SMOC1: variants seen among roughly 807,000 people sequenced by gnomAD.
SMOC1 encodes SPARC-related modular calcium-binding protein 1.
A neutral mutation model predicts 56.3 loss-of-function variants in SMOC1; 22 were observed. That is an observed-to-expected ratio of 0.39 (90% confidence interval 0.28 to 0.56). SMOC1 has a LOEUF of 0.56. SMOC1 is among the 20% of genes least tolerant of loss of function. The probability of loss-of-function intolerance (pLI) is 0.61; values close to 1 mark genes in which losing one functional copy is unlikely to be tolerated. For missense variants in SMOC1, 509 were observed against 565.4 expected (o/e 0.90, Z 1.01); for synonymous variants, 193 against 215.0 (o/e 0.90, Z 0.89).
chr14:69,977,840 G>A, intron 4 of SMOC1, 78 bp from the exon 5 acceptor site: 1 of 1,132,506 alleles, frequency 8.8e-7, no homozygotes, highest in South Asian at 1.2e-5. Flanking sequence ...CATAACATCA[G>A]GTTTTGCCAA....
At chr14:69,959,855 T>A (rs556325746) in intron 3 of SMOC1, among the ~76,000 whole-genome samples, 2 of 152,338 alleles carry the variant, frequency 1.3e-5, no homozygotes, top group African/African-American at 4.8e-5. Flanking sequence ...CCATAGTTCT[T>A]ACTATTGTAT....
intron 1 of SMOC1, among the ~76,000 whole-genome samples, chr14:69,884,537 A>G (rs542417482): frequency 7.2e-5 from 11 of 152,010 alleles, no homozygotes; most frequent in South Asian, 4.2e-4. Flanking sequence ...CTTTCCCCCT[A>G]TGTTTTCTTT....
chr14:69,949,457 T>G (rs1282599664), intron 1 of SMOC1, among the ~76,000 whole-genome samples: 1 of 152,224 alleles, frequency 6.6e-6, no homozygotes, highest in South Asian at 2.1e-4. Flanking sequence ...CTCATCTTCA[T>G]GGAGCTCAGA....
chr14:70,003,688 C>A (rs1464693640), intron 7 of SMOC1, among the ~76,000 whole-genome samples: 1 of 152,176 alleles, frequency 6.6e-6, no homozygotes, highest in Non-Finnish European at 1.5e-5. Context: ...GAACTTGCAT[C>A]CAGTGAAGTC....
rs1032627936 is a variant in SMOC1 at position 69,903,528 on chromosome 14, A to C, written c.99+23751A>C. Reference sequence around the variant, plus strand: ...GCTGTGTCTGTGTAGAAAGAAGTAGACATAGGAGACTCCATTTTGTTCTGT... The same window carrying C: ...GCTGTGTCTGTGTAGAAAGAAGTAGCCATAGGAGACTCCATTTTGTTCTGT... On this transcript the variant is annotated intron_variant, in intron 1 of 11. Transcript: ENST00000361956. Among the ~76,000 whole-genome samples the C allele has an allele frequency of 9.2e-5, 14 of 152,206 alleles. No homozygotes were observed. The East Asian group carries it at 2.7e-3, about 29-fold the overall frequency.
At chr14:70,006,559 T>C (rs1421877505) in intron 7 of SMOC1, among the ~76,000 whole-genome samples, 1 of 152,206 alleles carries the variant, frequency 6.6e-6, no homozygotes, top group Non-Finnish European at 1.5e-5. Context: ...AATTGATGAA[T>C]AGTTAAGGAG....
chr14:69,918,990 G>A (rs75987388), intron 1 of SMOC1, among the ~76,000 whole-genome samples: 64 of 152,242 alleles, frequency 4.2e-4, no homozygotes, highest in African/African-American at 1.5e-3. Context: ...TTGTTTGTTT[G>A]TTTGTTTGTT....
intron 1 of SMOC1, among the ~76,000 whole-genome samples, chr14:69,884,570 C>T (rs1193865797): frequency 1.1e-4 from 17 of 152,118 alleles, no homozygotes; most frequent in Admixed American, 8.5e-4. Context: ...AGTTTTGGAT[C>T]TTACATTTAA....
chr14:69,942,063 C>G (rs1013935113), intron 1 of SMOC1, among the ~76,000 whole-genome samples: 1 of 152,154 alleles, frequency 6.6e-6, no homozygotes, highest in Non-Finnish European at 1.5e-5. Flanking sequence ...TTCCTTTCTA[C>G]GAGTTTGCTG....
chr14:69,948,515 G>T (rs1032053925), intron 1 of SMOC1, among the ~76,000 whole-genome samples: 1 of 152,098 alleles, frequency 6.6e-6, no homozygotes, highest in African/African-American at 2.4e-5. Context: ...AGCTGCTGTG[G>T]CCTCTCTCTC....
intron 1 of SMOC1, among the ~76,000 whole-genome samples, chr14:69,947,629 G>A (rs912062250): frequency 1.3e-5 from 2 of 151,808 alleles, no homozygotes; most frequent in African/African-American, 4.8e-5. Flanking sequence ...AGAAAAATTC[G>A]ATTGAAGACT....
intron 1 of SMOC1, among the ~76,000 whole-genome samples, chr14:69,906,695 TGA>T (rs1335689218): frequency 6.6e-6 from 1 of 152,094 alleles, no homozygotes; most frequent in East Asian, 1.9e-4. Flanking sequence ...GGAAGCCAAC[TGA>T]GAGAGAGGGA....
Position 70,030,500 on chromosome 14 carries a change from T to G in SMOC1, c.*242T>G. On this transcript the variant is annotated 3_prime_UTR_variant, in exon 12 of 12. Coordinates refer to ENST00000361956, the MANE Select transcript of SMOC1 (RefSeq NM_001034852.3). ...AGAAAGACTTTATTCTCTCTCTTAT[T>G]GTAAGTTTTTGGATCTGCTACTGAC... The G allele has an allele frequency of 2.5e-6, 1 of 402,380 alleles. No homozygotes were observed. Among genetic ancestry groups the G allele is most frequent in the Non-Finnish European group, 4.4e-6 (1 of 227,186 alleles). 24.9% of individuals were successfully genotyped at this position (402,380 alleles called of 1,614,324 possible). A position where few individuals can be genotyped will look rare whatever the true frequency, so the allele number is the denominator to read the frequency against.
chr14:69,934,617 A>C (rs955134074), intron 1 of SMOC1, among the ~76,000 whole-genome samples: 3 of 151,926 alleles, frequency 2.0e-5, no homozygotes, highest in Non-Finnish European at 4.4e-5. Context: ...GTTTAGTCCT[A>C]CTCCTCTCCT....
At chr14:69,905,783 A>T (rs1329809132) in intron 1 of SMOC1, among the ~76,000 whole-genome samples, 1 of 152,238 alleles carries the variant, frequency 6.6e-6, no homozygotes, top group Non-Finnish European at 1.5e-5. Context: ...TTGTTTTCTT[A>T]CTTAGATGAC....
rs1032115560 is a variant in SMOC1, at chr14:70,030,505, G to A, written c.*247G>A. On this transcript the variant is annotated 3_prime_UTR_variant, in exon 12 of 12. Coordinates refer to ENST00000361956, the MANE Select transcript of SMOC1 (RefSeq NM_001034852.3). ...GACTTTATTCTCTCTCTTATTGTAA[G>A]TTTTTGGATCTGCTACTGACAACTT... 3 of 174,200 alleles carry A rather than the reference G, an allele frequency of 1.7e-5. No individual in the cohort carries two copies. Among genetic ancestry groups the A allele is most frequent in the Admixed American group, 1.7e-4 (2 of 12,030 alleles). The allele number at this position is 174,200 out of a possible 1,614,324, so 10.8% of individuals were successfully genotyped here.
At chr14:69,914,932 T>C (rs1316699011) in intron 1 of SMOC1, among the ~76,000 whole-genome samples, 1 of 152,086 alleles carries the variant, frequency 6.6e-6, no homozygotes, top group Admixed American at 6.6e-5. Context: ...AATTGCATGA[T>C]CTTGGCTCGC....
intron 7 of SMOC1, among the ~76,000 whole-genome samples, chr14:69,998,387 C>G (rs752494163): frequency 2.0e-5 from 3 of 151,968 alleles, no homozygotes; most frequent in Non-Finnish European, 4.4e-5. Flanking sequence ...TTGGATGGAG[C>G]CTCTGTTCTG....
intron 3 of SMOC1, among the ~76,000 whole-genome samples, chr14:69,965,189 C>T (rs1368752684): frequency 6.6e-6 from 1 of 152,016 alleles, no homozygotes; most frequent in Non-Finnish European, 1.5e-5. Flanking sequence ...ACCAGCCTGG[C>T]TAACATGGTG....
Sources: gnomAD v4.1 joint callset for allele counts (sites outside exome capture counted in the v4.1 genomes callset) on GRCh38, gnomAD v4.1.1 for gene constraint, MANE v1.5 for transcripts, NCBI Gene and HGNC (gene_info 2026-07-23, HGNC 2026-07-21) for gene names.